Variants in MACF1 observed in about 807,000 individuals in gnomAD.
MACF1 encodes microtubule actin crosslinking factor 1.
A neutral mutation model predicts 854.8 loss-of-function variants in MACF1; 193 were observed. The observed-to-expected ratio is 0.23, with a 90% CI of 0.20 to 0.25. The LOEUF is 0.25. MACF1 is among the 10% of genes least tolerant of loss of function. The pLI is 1.00. For missense variants in MACF1, 7,722 were observed against 8,929.1 expected (o/e 0.86, Z 5.45); for synonymous variants, 3,185 against 3,226.7 (o/e 0.99, Z 0.44).
chr1:39,245,020 T>A (rs1023325928), intron 2 of MACF1, among the ~76,000 whole-genome samples: 4 of 152,164 alleles, frequency 2.6e-5, no homozygotes, highest in African/African-American at 4.8e-5. Flanking sequence ...GCCAGTAGTT[T>A]TATTTTTATA....
At chr1:39,256,380 A>G (rs915292323) in intron 5 of MACF1, among the ~76,000 whole-genome samples, 3 of 151,976 alleles carry the variant, frequency 2.0e-5, no homozygotes, top group Non-Finnish European at 4.4e-5. Flanking sequence ...CTTGCATCCT[A>G]CTCCCACCGT....
chr1:39,169,573 T>A (rs1643919023), intron 2 of MACF1, among the ~76,000 whole-genome samples: 3 of 150,032 alleles, frequency 2.0e-5, no homozygotes. Context: ...GTCACTGCAC[T>A]GTAGCTTGGG....
chr1:39,282,205 C>T lies in MACF1; in HGVS notation c.529-3C>T, dbSNP rs760951055. On this transcript the variant is annotated splice_region_variant and splice_polypyrimidine_tract_variant and intron_variant, in intron 6 of 100. Coordinates refer to ENST00000564288, the MANE Select transcript of MACF1 (RefSeq NM_001394062.1). ...AATTATTCTGTGTCCCATCTTTTGG[C>T]AGATCTCTGACATCTACATTAGTGG... The T allele has an allele frequency of 1.2e-6, 2 of 1,612,542 alleles. No homozygotes were observed. Among genetic ancestry groups the T allele is most frequent in the Middle Eastern group, 1.7e-4 (1 of 6,030 alleles).
At chr1:39,185,763 G>C (rs749479515) in intron 2 of MACF1, among the ~76,000 whole-genome samples, 9 of 152,230 alleles carry the variant, frequency 5.9e-5, no homozygotes, top group Non-Finnish European at 7.4e-5. Flanking sequence ...CTTAGAGAAG[G>C]GTGCTGGACT....
At chr1:39,322,053 A>G (rs1272687925) in intron 31 of MACF1, among the ~76,000 whole-genome samples, 2 of 152,218 alleles carry the variant, frequency 1.3e-5, no homozygotes, top group Admixed American at 1.3e-4. Context: ...AAGTGGCAGA[A>G]TAGTATGGTA....
chr1:39,274,759 A>G (rs1478362667), intron 6 of MACF1, among the ~76,000 whole-genome samples: 1 of 152,244 alleles, frequency 6.6e-6, no homozygotes, highest in Non-Finnish European at 1.5e-5. Context: ...ACTTACTAGC[A>G]GTATAACTTG....
At chr1:39,097,476 C>T (rs1481502603) in intron 2 of MACF1, among the ~76,000 whole-genome samples, 1 of 152,040 alleles carries the variant, frequency 6.6e-6, no homozygotes, top group South Asian at 2.1e-4. Context: ...AACCCCAGAA[C>T]TTTAGGAGGC....
chr1:39,360,114 G>A (rs1250997833), intron 47 of MACF1, among the ~76,000 whole-genome samples: 1 of 124,646 alleles, frequency 8.0e-6, no homozygotes, highest in African/African-American at 3.0e-5. Flanking sequence ...CATATATATC[G>A]TATACTTGAA....
intron 2 of MACF1, among the ~76,000 whole-genome samples, chr1:39,107,638 G>C (rs553866936): frequency 2.0e-4 from 31 of 152,220 alleles, no homozygotes; most frequent in Middle Eastern, 3.4e-3. Flanking sequence ...AGAAATCCCC[G>C]TACTACCTTA....
chr1:39,102,545 G>A (rs556980888), intron 2 of MACF1, among the ~76,000 whole-genome samples: 2 of 152,252 alleles, frequency 1.3e-5, no homozygotes, highest in South Asian at 2.1e-4. Context: ...GAGGAAAGTC[G>A]GTTGGATGGC....
chr1:39,292,905 T>C, intron 17 of MACF1, 62 bp downstream of exon 17: 2 of 1,351,978 alleles, frequency 1.5e-6, no homozygotes, highest in Non-Finnish European at 2.1e-6. Context: ...CAATCAACTC[T>C]CTTCCGTAAT....
At chr1:39,139,359 C>T (rs867988768) in intron 2 of MACF1, among the ~76,000 whole-genome samples, 1 of 150,218 alleles carries the variant, frequency 6.7e-6, no homozygotes, top group African/African-American at 2.5e-5. Flanking sequence ...CAGGTTCAAG[C>T]GATTCTCCTG....
chr1:39,322,623 C>T lies in MACF1; in HGVS notation c.4045C>T (p.Leu1349=). The T allele has an allele frequency of 1.2e-6, 2 of 1,613,990 alleles. No individual in the cohort carries two copies. Among genetic ancestry groups the T allele is most frequent in the Non-Finnish European group, 1.7e-6 (2 of 1,179,860 alleles). The part of the protein sequence containing the change: ...STIVKDYELQ[L]MTYKAFVESQ... ...CCTTTCCTAGGACTATGAATTGCAA[C>T]TGATGACATACAAGGCCTTTGTGGA... The change falls in exon 32 of 101, where the codon CTG becomes TTG. Residue 1349 remains leucine, a synonymous_variant. Transcript: ENST00000564288.
chr1:39,350,931 A>G lies in MACF1; in HGVS notation c.11112A>G (p.Gln3704=), dbSNP rs1647164574. The change falls in exon 43 of 101, where the codon CAA becomes CAG. Residue 3704 remains glutamine, a synonymous_variant. Coordinates refer to ENST00000564288, the MANE Select transcript of MACF1 (RefSeq NM_001394062.1). ...LREKLHQAKE[Q]YEALQEETRV... Reference sequence around the variant, plus strand: ...AAAAGCTTCATCAGGCTAAGGAGCAATATGAGGCGCTCCAGGAAGAGACAC... The same window carrying G: ...AAAAGCTTCATCAGGCTAAGGAGCAGTATGAGGCGCTCCAGGAAGAGACAC... 6.2e-7 allele frequency: 1 copy of G among 1,614,056 alleles called. No individual in the cohort carries two copies. Among genetic ancestry groups the G allele is most frequent in the Non-Finnish European group, 8.5e-7 (1 of 1,180,012 alleles).
intron 2 of MACF1, among the ~76,000 whole-genome samples, chr1:39,169,263 C>A (rs1643914141): frequency 2.6e-5 from 4 of 152,226 alleles, no homozygotes; most frequent in Admixed American, 2.6e-4. Flanking sequence ...CAGCTACTTT[C>A]CTAGTATTTC....
At chr1:39,261,518 T>A (rs1248202690) in intron 6 of MACF1, among the ~76,000 whole-genome samples, 1 of 152,232 alleles carries the variant, frequency 6.6e-6, no homozygotes, top group African/African-American at 2.4e-5. Flanking sequence ...CTTGATAGAT[T>A]TGCTTATTCT....
chr1:39,196,616 A>AT (rs1469087978), intron 2 of MACF1, among the ~76,000 whole-genome samples: 2 of 152,270 alleles, frequency 1.3e-5, no homozygotes, highest in South Asian at 4.1e-4. Flanking sequence ...TATTTATTGT[A>AT]TTTTTTAAAA....
At chr1:39,455,167 GTGTATA>G in intron 89 of MACF1, 70 bp downstream of exon 89, 1 of 1,468,612 alleles carries the variant, frequency 6.8e-7, no homozygotes, top group East Asian at 2.3e-5. Flanking sequence ...CTGTTGCCCT[GTGTATA>G]TGTTTTTAAA....
chr1:39,345,101 A>T (rs897999186), intron 40 of MACF1, among the ~76,000 whole-genome samples: 3 of 152,180 alleles, frequency 2.0e-5, no homozygotes, highest in African/African-American at 7.2e-5. Flanking sequence ...CTCTCAATTG[A>T]TCTACTCTCA....
Sources: allele counts gnomAD v4.1 joint callset (sites outside exome capture counted in the v4.1 genomes callset), GRCh38; gene constraint gnomAD v4.1.1; transcripts MANE v1.5; gene names NCBI Gene and HGNC (gene_info 2026-07-23, HGNC 2026-07-21).